The following SERPINC1 variants were observed in gnomAD, a reference collection of about 807,000 sequenced individuals.
The protein encoded by SERPINC1 is antithrombin-III.
SERPINC1 carries 12 observed loss-of-function variants against 43.4 expected under a neutral mutation model. The observed-to-expected ratio is 0.28, with a 90% CI of 0.18 to 0.45. The LOEUF (loss-of-function observed/expected upper bound fraction) is 0.45. SERPINC1 is among the 20% of genes least tolerant of loss of function. SERPINC1 has a pLI of 1.00. For missense variants in SERPINC1, 423 were observed against 578.8 expected (o/e 0.73, Z 2.76); for synonymous variants, 210 against 218.9 (o/e 0.96, Z 0.36).
intron 2 of SERPINC1, 130 bp from the exon 3 acceptor site, chr1:173,912,144 G>T: frequency 2.7e-6 from 2 of 727,480 alleles, no homozygotes; most frequent in Non-Finnish European, 2.5e-6. Flanking sequence ...ACAGTACCTG[G>T]GACAGCATAA....
At position 173,910,899 on chromosome 1, in the gene SERPINC1, G is replaced by A. The variant is rs773408103; in HGVS notation, c.625-8C>T. 1 of 1,614,100 alleles carries A rather than the reference G, an allele frequency of 6.2e-7. No homozygotes were observed. The highest frequency in any genetic ancestry group is 8.5e-7 in the Non-Finnish European group (1 of 1,179,976). On this transcript the variant is annotated splice_polypyrimidine_tract_variant and splice_region_variant and intron_variant, in intron 3 of 6. Transcript: ENST00000367698. ...GGATTGCTCTGCATTTTCCTGAGGA[G>A]AACAGAAAATAAACCTACTCACCTG...
At chr1:173,912,927 C>A (rs915639781) in intron 2 of SERPINC1, among the ~76,000 whole-genome samples, 2 of 152,080 alleles carry the variant, frequency 1.3e-5, no homozygotes, top group African/African-American at 4.8e-5. Flanking sequence ...GAGACCAGTA[C>A]CAATGTATAC....
At position 173,911,824 on chromosome 1, in the gene SERPINC1, G is replaced by T. The variant is rs748428859; in HGVS notation, c.599C>A (p.Ala200Asp). ...CTTGAAGTCCAGGGGCTGGAGCTTGGCTCCATATACCAACTCACTGATGTC... is the reference window on the plus strand; with the variant it reads ...CTTGAAGTCCAGGGGCTGGAGCTTGTCTCCATATACCAACTCACTGATGTC... The part of the protein sequence containing the change: ...YQDISELVYG[A>D]KLQPLDFKEN... The change falls in exon 3 of 7, where the codon GCC becomes GAC. Residue 200 changes from alanine to aspartate, a missense_variant. Physicochemically the swap from Ala to Asp is moderately radical, Grantham distance 126. Transcript: ENST00000367698. 2 of 1,614,102 alleles carry T rather than the reference G, an allele frequency of 1.2e-6. No individual in the cohort carries two copies. Among genetic ancestry groups the T allele is most frequent in the Non-Finnish European group, 8.5e-7 (1 of 1,179,968 alleles).
intron 6 of SERPINC1, among the ~76,000 whole-genome samples, chr1:173,906,706 CT>C: frequency 6.6e-6 from 1 of 151,680 alleles, no homozygotes; most frequent in South Asian, 2.1e-4. Context: ...TGGTTGCAAA[CT>C]CCTGGGCTCA....
intron 6 of SERPINC1, 89 bp downstream of exon 6, chr1:173,907,361 T>G (rs1294013035): frequency 9.5e-7 from 1 of 1,053,592 alleles, no homozygotes; most frequent in Non-Finnish European, 1.5e-6. Flanking sequence ...TTTGCATGCC[T>G]TAACACTGGA....
At position 173,909,666 on chromosome 1, in the gene SERPINC1, T is replaced by A. The variant is rs1357405388; in HGVS notation, c.1039A>T (p.Met347Leu). The change falls in exon 5 of 7, where the codon ATG becomes TTG. Residue 347 changes from methionine (M) to leucine (L), a missense_variant. Physicochemically the swap from Met to Leu is conservative, Grantham distance 15. Transcript: ENST00000367698. Reference protein sequence around the residue: ...QEWLDELEEMMLVVHMPRFRI... With the variant: ...QEWLDELEEMLLVVHMPRFRI... Reference sequence around the variant, plus strand: ...AAGCGGGGCATGTGGACCACCAGCATCATCTCCTCCAATTCATCCAGCCAC... The same window carrying A: ...AAGCGGGGCATGTGGACCACCAGCAACATCTCCTCCAATTCATCCAGCCAC... 1 of 1,613,796 alleles carries A rather than the reference T, an allele frequency of 6.2e-7. No homozygotes were observed. The highest frequency in any genetic ancestry group is 1.1e-5 in the South Asian group (1 of 91,088).
chr1:173,912,153 A>T, intron 2 of SERPINC1, 139 bp from the exon 3 acceptor site: 1 of 716,206 alleles, frequency 1.4e-6, no homozygotes, highest in East Asian at 2.7e-5. Flanking sequence ...GGGACAGCAT[A>T]AATGCTCAAC....
chr1:173,904,179 G>A, intron 6 of SERPINC1, 114 bp from the exon 7 acceptor site: 1 of 981,468 alleles, frequency 1.0e-6, no homozygotes, highest in South Asian at 1.4e-5. Flanking sequence ...CCAGTAAAAA[G>A]TACATTTGGG....
Position 173,909,845 on chromosome 1 carries a change from T to C in SERPINC1, c.860A>G (p.Glu287Gly), listed in dbSNP as rs1404578967. ...CACGCGCCGATAACGGAACTTGCCT[T>C]CCTGGTACATCATAGATGCTGAACA... ...ESCSASMMYQ[E>G]GKFRYRRVAE... Residue 287 changes from glutamate (E) to glycine (G), a missense_variant, in exon 5 of 7, where the codon GAA (glutamate) becomes GGA (glycine). Transcript: ENST00000367698. 1 of 1,614,044 alleles carries C rather than the reference T, an allele frequency of 6.2e-7. No homozygotes were observed. Among genetic ancestry groups the C allele is most frequent in the East Asian group, 2.2e-5 (1 of 44,866 alleles).
intron 6 of SERPINC1, among the ~76,000 whole-genome samples, chr1:173,905,748 A>G (rs1177183605): frequency 1.3e-5 from 2 of 151,896 alleles, no homozygotes; most frequent in African/African-American, 4.8e-5. Flanking sequence ...TCATTAGGAG[A>G]CCCGTTCAAC....
rs1359645976 is a variant in SERPINC1, at chr1:173,917,299, T to C, written c.-40A>G. 2.5e-6 allele frequency: 4 copies of C among 1,600,982 alleles called. No individual in the cohort carries two copies. Among genetic ancestry groups the C allele is most frequent in the Admixed American group, 3.3e-5 (2 of 59,964 alleles). On this transcript the variant is annotated 5_prime_UTR_variant, in exon 1 of 7. Transcript: ENST00000367698. ...CACAGGGCTGGGCAAGTGGAGATAG[T>C]GTGATCTGAGGCAATCCGCCTGAAA...
Position 173,909,780 on chromosome 1 carries a change from C to T in SERPINC1, c.925G>A (p.Asp309Asn). Reference sequence around the variant, plus strand: ...AAGATGAGGACCATGGTGATGTCATCACCTTTGAAGGGCAACTCAAGCACC... The same window carrying T: ...AAGATGAGGACCATGGTGATGTCATTACCTTTGAAGGGCAACTCAAGCACC... The part of the protein sequence containing the change: ...TQVLELPFKG[D>N]DITMVLILPK... The change falls in exon 5 of 7, where the codon GAT becomes AAT. Residue 309 changes from aspartate (D) to asparagine (N), a missense_variant. Transcript: ENST00000367698. 14 of 1,614,266 alleles carry T rather than the reference C, an allele frequency of 8.7e-6. No individual in the cohort carries two copies. The highest frequency in any genetic ancestry group is 1.1e-5 in the Non-Finnish European group (13 of 1,180,052).
Position 173,914,768 on chromosome 1 carries a change from C to T in SERPINC1, c.193G>A (p.Asp65Asn), listed in dbSNP as rs936295966. 2 of 1,614,078 alleles carry T rather than the reference C, an allele frequency of 1.2e-6. No individual in the cohort carries two copies. Among genetic ancestry groups the T allele is most frequent in the African/African-American group, 1.3e-5 (1 of 74,936 alleles). ...GGGATCTTCTGTTCTGAGCCCTCAT[C>T]CTCAGTTGCCTTCTTCTCCGGGGAG... ...YRSPEKKATE[D>N]EGSEQKIPEA... The change falls in exon 2 of 7, where the codon GAT (aspartate) becomes AAT (asparagine). Residue 65 changes from aspartate to asparagine, a missense_variant. Asp to Asn is a conservative substitution (Grantham distance 23). Transcript: ENST00000367698.
At chr1:173,914,990 C>T (rs2102790478) in intron 1 of SERPINC1, 71 bp from the exon 2 acceptor site, 2 of 1,567,966 alleles carry the variant, frequency 1.3e-6, no homozygotes, top group Non-Finnish European at 8.6e-7. Context: ...ACAGGGTTGC[C>T]CCAGTAAAGC....
intron 5 of SERPINC1, 84 bp downstream of exon 5, chr1:173,909,468 C>T: frequency 6.9e-7 from 1 of 1,442,468 alleles, no homozygotes; most frequent in Non-Finnish European, 9.6e-7. Context: ...CTTGTTGCTC[C>T]TTTCTATTCT....
rs372319633 is a variant in SERPINC1 at position 173,904,026 on chromosome 1, C to G, written c.1258G>C (p.Val420Leu). 6.2e-7 allele frequency: 1 copy of G among 1,614,220 alleles called. No individual in the cohort carries two copies. Among genetic ancestry groups the G allele is most frequent in the African/African-American group, 1.3e-5 (1 of 75,060 alleles). Residue 420 changes from valine to leucine, a missense_variant, in exon 7 of 7, where the codon GTT (valine) becomes CTT (leucine). Coordinates refer to ENST00000367698, the MANE Select transcript of SERPINC1 (RefSeq NM_000488.4). ...TTTAGCGAACGGCCAGCAATCACAA[C>G]AGCGGTACTTGCAGCTGCTTCACTG... ...EGSEAAASTA[V>L]VIAGRSLNPN...
rs554349177 is a variant in SERPINC1 at position 173,904,550 on chromosome 1, C to T, written c.1219-485G>A. Among the ~76,000 whole-genome samples the T allele has an allele frequency of 2.6e-5, 4 of 152,242 alleles. No homozygotes were observed. In the South Asian group the frequency reaches 8.3e-4, roughly 32 times the overall value. On this transcript the variant is annotated intron_variant, in intron 6 of 6. Coordinates refer to ENST00000367698, the MANE Select transcript of SERPINC1 (RefSeq NM_000488.4). Reference sequence around the variant, plus strand: ...TGGGTTCTCTGGCTGGACGAGATGCCATTTTCTTGGAGTAATAGACTGAAA... The same window carrying T: ...TGGGTTCTCTGGCTGGACGAGATGCTATTTTCTTGGAGTAATAGACTGAAA...
At chr1:173,916,414 C>T (rs1396344682) in intron 1 of SERPINC1, among the ~76,000 whole-genome samples, 1 of 152,242 alleles carries the variant, frequency 6.6e-6, no homozygotes, top group South Asian at 2.1e-4. Context: ...TGCCTTCTTG[C>T]GTGGTCTGAG....
Position 173,909,603 on chromosome 1 carries a change from G to C in SERPINC1, c.1102C>G (p.Gln368Glu). ...AACAGATCGACAAGGCCCATGTCTT[G>C]CAGCTGCTCCTTCAAACTGAAGCCG... ...EDGFSLKEQLQDMGLVDLFSP... is the reference protein window; with the variant it reads ...EDGFSLKEQLEDMGLVDLFSP... The change falls in exon 5 of 7, where the codon CAA becomes GAA. Residue 368 changes from glutamine to glutamate, a missense_variant. Transcript: ENST00000367698. 2.5e-6 allele frequency: 4 copies of C among 1,613,998 alleles called. No homozygotes were observed. The highest frequency in any genetic ancestry group is 3.4e-6 in the Non-Finnish European group (4 of 1,180,010).
Sources: gnomAD v4.1 joint callset for allele counts (sites outside exome capture counted in the v4.1 genomes callset) on GRCh38, gnomAD v4.1.1 for gene constraint, MANE v1.5 for transcripts, NCBI Gene and HGNC (gene_info 2026-07-23, HGNC 2026-07-21) for gene names.